PMPCB: variants seen among roughly 807,000 people sequenced by gnomAD.
PMPCB encodes peptidase, mitochondrial processing subunit beta.
In PMPCB, 46 loss-of-function variants were observed where a neutral mutation model predicts 61.5. That is an observed-to-expected ratio of 0.75 (90% CI 0.59 to 0.96). PMPCB has a LOEUF of 0.96. Among genes scored for constraint, PMPCB ranks in the 40% least tolerant of loss-of-function variants. PMPCB has a pLI of 0.00. For synonymous variants in PMPCB, 191 were observed against 201.6 expected (o/e 0.95, Z 0.44); for missense variants, 590 against 602.4 (o/e 0.98, Z 0.22).
At chr7:103,342,018 A>T in the PMPCB span, 1 of 1,292,438 alleles carries the variant, frequency 7.7e-7, no homozygotes, top group East Asian at 2.5e-5. Flanking sequence ...TTTCAAGGCA[A>T]TTAATTTTTT....
the PMPCB span, among the ~76,000 whole-genome samples, chr7:103,339,967 T>C: frequency 1.3e-5 from 2 of 152,160 alleles, no homozygotes; most frequent in Non-Finnish European, 2.9e-5. Flanking sequence ...GCCTCCCAAG[T>C]AGCTGCGATT....
downstream of PMPCB, chr7:103,317,386 T>C (rs1818128647): frequency 5.6e-6 from 1 of 179,572 alleles, no homozygotes; most frequent in East Asian, 1.5e-4. Context: ...ATTTATTCTC[T>C]ACCAAAAGGT....
chr7:103,309,608 T>C (rs1450028850), intron 8 of PMPCB, among the ~76,000 whole-genome samples: 1 of 152,214 alleles, frequency 6.6e-6, no homozygotes, highest in African/African-American at 2.4e-5. Context: ...ATATTACATA[T>C]ACCATATTAC....
rs1381034424 is a variant in PMPCB at position 103,311,992 on chromosome 7, A to C, written c.1330-64A>C. 3.9e-6 allele frequency: 6 copies of C among 1,556,846 alleles called. No homozygotes were observed. The East Asian group carries it at 1.1e-4, about 29-fold the overall frequency. ...CTTTCATCTTGCTTTAGTTTTAAAA[A>C]GTTCCAGGTATAGACTTTGTTTTTA... On this transcript the variant is annotated intron_variant, in intron 11 of 12. Transcript: ENST00000249269.
In PMPCB at chr7:103,313,951, C is replaced by G. The variant is rs960575322; in HGVS notation, c.*1680C>G. The G allele has an allele frequency of 5.1e-6, 5 of 985,262 alleles. No individual in the cohort carries two copies. Among genetic ancestry groups the G allele is most frequent in the African/African-American group, 1.7e-5 (1 of 57,222 alleles). The allele number at this position is 985,262 out of a possible 1,614,324, so 61.0% of individuals were successfully genotyped here. A position where few individuals can be genotyped will look rare whatever the true frequency, so the allele number is the denominator to read the frequency against. On this transcript the variant is annotated 3_prime_UTR_variant, in exon 13 of 13. Coordinates refer to ENST00000249269, the MANE Select transcript of PMPCB (RefSeq NM_004279.3). Reference sequence around the variant, plus strand: ...AATACTACCAGTAGCCTGACTACTACTAGAAACTGCGGCCTGTGAGATCTG... The same window carrying G: ...AATACTACCAGTAGCCTGACTACTAGTAGAAACTGCGGCCTGTGAGATCTG...
chr7:103,307,815 A>G, intron 7 of PMPCB, 107 bp downstream of exon 7: 1 of 673,574 alleles, frequency 1.5e-6, no homozygotes, highest in Non-Finnish European at 2.7e-6. Context: ...GAATGGAATA[A>G]TAGGAAAAGG....
At position 103,312,311 on chromosome 7, in the gene PMPCB, A is replaced by G. The variant is rs376858307; in HGVS notation, c.*40A>G. ...AGATTGTTTGAACACATGTATTTAT[A>G]AAACAGAGCTAGAGAAAAATAAAAA... On this transcript the variant is annotated 3_prime_UTR_variant, in exon 13 of 13. Coordinates refer to ENST00000249269, the MANE Select transcript of PMPCB (RefSeq NM_004279.3). 2.1e-5 allele frequency: 34 copies of G among 1,603,130 alleles called. No individual in the cohort carries two copies. Among genetic ancestry groups the G allele is most frequent in the Non-Finnish European group, 2.7e-5 (32 of 1,179,318 alleles).
intron 6 of PMPCB, among the ~76,000 whole-genome samples, chr7:103,305,659 C>A (rs937438292): frequency 6.6e-6 from 1 of 152,208 alleles, no homozygotes; most frequent in African/African-American, 2.4e-5. Flanking sequence ...TTTAAAAATT[C>A]TAGTTGCTCT....
In PMPCB at chr7:103,297,544, G is replaced by C. The variant is rs148700021; in HGVS notation, c.85G>C (p.Gly29Arg). The C allele has an allele frequency of 8.1e-5, 131 of 1,609,928 alleles. No homozygotes were observed. The African/African-American group carries it at 1.7e-3, about 20-fold the overall frequency. Residue 29 changes from glycine (G) to arginine (R), a missense_variant, in exon 1 of 13, where the codon GGC (glycine) becomes CGC (arginine). Transcript: ENST00000249269. ...WGFSESLLIRGAAGRSLYFGE... is the reference protein window; with the variant it reads ...WGFSESLLIRRAAGRSLYFGE... ...TTTCAGCGAGAGTCTTCTAATCCGA[G>C]GCGCTGCGGGACGGGTGAGCTTCCC... is the stretch of plus-strand genomic sequence containing the variant.
chr7:103,303,524 A>G (rs1817502690), intron 4 of PMPCB, among the ~76,000 whole-genome samples: 1 of 152,230 alleles, frequency 6.6e-6, no homozygotes, highest in Non-Finnish European at 1.5e-5. Context: ...AGACTAATAT[A>G]TATAACTTTG....
intron 1 of PMPCB, chr7:103,297,833 G>C: frequency 6.6e-7 from 1 of 1,508,702 alleles, no homozygotes; most frequent in Non-Finnish European, 8.8e-7. Context: ...CACTAAAAAC[G>C]TAGTGCTTGC....
intron 4 of PMPCB, among the ~76,000 whole-genome samples, chr7:103,300,662 G>A: frequency 6.6e-6 from 1 of 152,116 alleles, no homozygotes; most frequent in East Asian, 1.9e-4. Context: ...ACAAAATTTA[G>A]CAGTTTTAGA....
chr7:103,324,997 C>T (rs959879067), intron 12 of PMPCB, among the ~76,000 whole-genome samples: 2 of 152,234 alleles, frequency 1.3e-5, no homozygotes, highest in Non-Finnish European at 2.9e-5. Flanking sequence ...ATCACCACCA[C>T]CACCTTCCCC....
intron 12 of PMPCB, chr7:103,321,835 G>T: frequency 1.4e-6 from 2 of 1,399,870 alleles, no homozygotes; most frequent in Admixed American, 1.9e-5. Context: ...GCGACAGAGC[G>T]AGACCCCATC....
At chr7:103,335,405 C>T in the PMPCB span, 3 of 152,134 alleles carry the variant, frequency 2.0e-5, no homozygotes, top group Admixed American at 1.3e-4. Context: ...TAAAGACTGA[C>T]GGAATATTCC....
intron 7 of PMPCB, among the ~76,000 whole-genome samples, chr7:103,307,978 A>T (rs1441678013): frequency 6.6e-6 from 1 of 152,188 alleles, no homozygotes; most frequent in Non-Finnish European, 1.5e-5. Flanking sequence ...AGCAGTTTAT[A>T]ATTTGGTCTT....
At chr7:103,344,350 C>A in the PMPCB span, 1 of 597,830 alleles carries the variant, frequency 1.7e-6, no homozygotes, top group Non-Finnish European at 2.9e-6. Flanking sequence ...ACGGTAGGAG[C>A]AAAAGGAAGG....
chr7:103,336,605 C>G, the PMPCB span: 1 of 152,232 alleles, frequency 6.6e-6, no homozygotes, highest in East Asian at 1.9e-4. Flanking sequence ...CTCGGCCTCC[C>G]AAAGTGTTGG....
At chr7:103,321,764 G>A (rs1028579769) in intron 12 of PMPCB, among the ~76,000 whole-genome samples, 6 of 152,144 alleles carry the variant, frequency 3.9e-5, no homozygotes, top group African/African-American at 1.4e-4. Flanking sequence ...CAGGAGAATC[G>A]CTCGAACCCG....
Sources: gnomAD v4.1 joint callset for allele counts (sites outside exome capture counted in the v4.1 genomes callset) on GRCh38, gnomAD v4.1.1 for gene constraint, MANE v1.5 for transcripts, NCBI Gene and HGNC (gene_info 2026-07-23, HGNC 2026-07-21) for gene names.